Variants in GALR1 observed in about 807,000 individuals in gnomAD.
GALR1 encodes the protein galanin receptor type 1.
Under a neutral mutation model 17.9 loss-of-function variants are expected in GALR1, and 11 were observed. The observed-to-expected ratio is 0.62, with a 90% CI of 0.39 to 1.02. The LOEUF (loss-of-function observed/expected upper bound fraction) is 1.02. Ranked by LOEUF, GALR1 falls within the 50% of genes least tolerant of loss-of-function variation. GALR1 has a pLI of 0.01. For synonymous variants in GALR1, 206 were observed against 205.7 expected (o/e 1.00, Z -0.01); for missense variants, 441 against 456.9 (o/e 0.97, Z 0.32).
chr18:77,267,500 A>C (rs955481969), intron 2 of GALR1, among the ~76,000 whole-genome samples: 1 of 152,334 alleles, frequency 6.6e-6, no homozygotes, highest in Middle Eastern at 3.4e-3. Flanking sequence ...ATGTGGTCCC[A>C]TCATCGGTCC....
chr18:77,260,905 G>A (rs966449869), intron 2 of GALR1, among the ~76,000 whole-genome samples: 1 of 152,114 alleles, frequency 6.6e-6, no homozygotes, highest in African/African-American at 2.4e-5. Flanking sequence ...GTCCTATCAA[G>A]CCACTGGGTT....
At chr18:77,259,410 T>C (rs111164274) in intron 2 of GALR1, among the ~76,000 whole-genome samples, 19,170 of 60,212 alleles carry the variant, frequency 0.32, 1,610 homozygotes, top group Middle Eastern at 0.44. Context: ...TCATGGTGGT[T>C]ATGGTGGTGA....
intron 2 of GALR1, among the ~76,000 whole-genome samples, chr18:77,257,135 T>C (rs1912609154): frequency 6.6e-6 from 1 of 152,240 alleles, no homozygotes; most frequent in Non-Finnish European, 1.5e-5. Context: ...TCATGTTTAC[T>C]TAAAAATTCT....
rs976260404 is a variant in GALR1, at chr18:77,250,075, C to A, written c.-474C>A. Among the ~76,000 whole-genome samples the A allele has an allele frequency of 1.3e-5, 2 of 152,164 alleles. No homozygotes were observed. Among genetic ancestry groups the A allele is most frequent in the African/African-American group, 4.8e-5 (2 of 41,454 alleles). On this transcript the variant is annotated 5_prime_UTR_variant, in exon 1 of 3. The change creates a premature stop within an existing upstream ORF in the 5' untranslated region. Coordinates refer to ENST00000299727, the MANE Select transcript of GALR1 (RefSeq NM_001480.4). ...GTGCACTGCTGCGCGCTGGGCAGTG[C>A]GGGGAAGCGCCGCGGGAAGGAGCGG...
At chr18:77,251,360 C>A (rs1219727537) in intron 1 of GALR1, 146 bp downstream of exon 1, 1 of 1,291,026 alleles carries the variant, frequency 7.7e-7, no homozygotes, top group Non-Finnish European at 1.0e-6. Context: ...TGGTACGGAT[C>A]TGTGCAGAGA....
At chr18:77,252,944 CCACCATCACCACCATCA>C (rs1912483829) in intron 1 of GALR1, among the ~76,000 whole-genome samples, 8 of 58,682 alleles carry the variant, frequency 1.4e-4, no homozygotes, top group Non-Finnish European at 2.1e-4. Flanking sequence ...ACCACCACCA[CCACCATCACCACCATCA>C]CCACCACCAT....
In GALR1 at chr18:77,271,818, T is replaced by C. The variant is rs1232700940; in HGVS notation, c.*2916T>C. On this transcript the variant is annotated 3_prime_UTR_variant, in exon 3 of 3. Coordinates refer to ENST00000299727, the MANE Select transcript of GALR1 (RefSeq NM_001480.4). ...AGGAGACAGGCTTTGGGATATTTAG[T>C]AGCTGAAATGCTTGCTGTTTCACAT... The C allele has an allele frequency of 2.0e-5, 3 of 152,228 alleles. No individual in the cohort carries two copies. The East Asian group carries it at 5.8e-4, about 29-fold the overall frequency. 9.4% of individuals were successfully genotyped at this position (152,228 alleles called of 1,614,324 possible).
At chr18:77,265,462 G>A (rs1912924384) in intron 2 of GALR1, among the ~76,000 whole-genome samples, 1 of 152,198 alleles carries the variant, frequency 6.6e-6, no homozygotes, top group African/African-American at 2.4e-5. Flanking sequence ...CAGGTGCAGG[G>A]TGCAAGCTTT....
chr18:77,260,900 A>G (rs764053666), intron 2 of GALR1, among the ~76,000 whole-genome samples: 4 of 152,176 alleles, frequency 2.6e-5, no homozygotes, highest in Non-Finnish European at 5.9e-5. Context: ...TTGATGTCCT[A>G]TCAAGCCACT....
chr18:77,255,284 A>G (rs1341415971), intron 1 of GALR1, among the ~76,000 whole-genome samples: 1 of 152,216 alleles, frequency 6.6e-6, no homozygotes, highest in Admixed American at 6.5e-5. Flanking sequence ...TATATGTTGG[A>G]AATTCCTACA....
chr18:77,263,710 C>G (rs1397245862), intron 2 of GALR1, among the ~76,000 whole-genome samples: 1 of 152,180 alleles, frequency 6.6e-6, no homozygotes, highest in African/African-American at 2.4e-5. Context: ...TTCCAGTCTC[C>G]CTCTTTGATA....
rs1024009072 is a variant in GALR1, at chr18:77,250,010, CG to C, written c.-538del. ...CCCACTGGGGAGGTGGCGCTGGGCGCGCGGGATGCGCGGGGAGCCTTCTCTG... is the reference window on the plus strand; with the variant it reads ...CCCACTGGGGAGGTGGCGCTGGGCGCCGGGATGCGCGGGGAGCCTTCTCTG... On this transcript the variant is annotated 5_prime_UTR_variant, in exon 1 of 3. Transcript: ENST00000299727. Among the ~76,000 whole-genome samples, 32 of 152,090 alleles carry C rather than the reference CG, an allele frequency of 2.1e-4. No homozygotes were observed. The highest frequency in any genetic ancestry group is 5.8e-4 in the African/African-American group (24 of 41,410).
intron 2 of GALR1, among the ~76,000 whole-genome samples, chr18:77,262,437 C>A (rs551166951): frequency 6.6e-6 from 1 of 152,308 alleles, no homozygotes; most frequent in Admixed American, 6.5e-5. Flanking sequence ...CCCCGTGTCC[C>A]ATCTTCTACC....
chr18:77,256,069 A>G lies in GALR1; in HGVS notation c.667-89A>G, dbSNP rs570986686. On this transcript the variant is annotated intron_variant, in intron 1 of 2. Coordinates refer to ENST00000299727, the MANE Select transcript of GALR1 (RefSeq NM_001480.4). ...TGATCTTATAAATAGTGATGTTACC[A>G]TTTCAGCATGTCAATAATTGTTAAT... 9.2e-5 allele frequency: 67 copies of G among 731,074 alleles called. No individual in the cohort carries two copies. The African/African-American group carries it at 1.1e-3, about 12-fold the overall frequency. The allele number at this position is 731,074 out of a possible 1,614,324, so 45.3% of individuals were successfully genotyped here.
At chr18:77,254,273 C>T (rs917027541) in intron 1 of GALR1, among the ~76,000 whole-genome samples, 2 of 152,144 alleles carry the variant, frequency 1.3e-5, no homozygotes, top group Non-Finnish European at 2.9e-5. Flanking sequence ...GCTGCTGAGA[C>T]CTTCAGTGGG....
intron 2 of GALR1, among the ~76,000 whole-genome samples, chr18:77,262,531 T>C (rs749598003): frequency 3.3e-5 from 5 of 152,194 alleles, no homozygotes; most frequent in Admixed American, 6.5e-5. Context: ...CACATTGTCA[T>C]TGCTACGACT....
chr18:77,263,430 A>G (rs542940735), intron 2 of GALR1, among the ~76,000 whole-genome samples: 1 of 152,306 alleles, frequency 6.6e-6, no homozygotes, highest in East Asian at 1.9e-4. Flanking sequence ...GAATCATTTC[A>G]TTGGTTCATC....
Position 77,269,588 on chromosome 18 carries a change from T to A in GALR1, c.*686T>A, listed in dbSNP as rs1303935675. Reference sequence around the variant, plus strand: ...AGTAGTAGGCACTGTTGATTCAAATTTATCCTGTGAAACTGGCTTTATAGA... The same window carrying A: ...AGTAGTAGGCACTGTTGATTCAAATATATCCTGTGAAACTGGCTTTATAGA... On this transcript the variant is annotated 3_prime_UTR_variant, in exon 3 of 3. Coordinates refer to ENST00000299727, the MANE Select transcript of GALR1 (RefSeq NM_001480.4). The A allele has an allele frequency of 6.6e-6, 1 of 152,216 alleles. No individual in the cohort carries two copies. Among genetic ancestry groups the A allele is most frequent in the African/African-American group, 2.4e-5 (1 of 41,444 alleles). The allele number at this position is 152,216 out of a possible 1,614,324, so 9.4% of individuals were successfully genotyped here.
chr18:77,268,612 G>A lies in GALR1; in HGVS notation c.760G>A (p.Val254Met), dbSNP rs1912992994. The change falls in exon 3 of 3, where the codon GTG (valine) becomes ATG (methionine). Residue 254 changes from valine (V) to methionine (M), a missense_variant. Transcript: ENST00000299727. ...TGCACAGACAGTTCTGGTGGTGGTT[G>A]TGGTGTTTGGAATCTCCTGGCTGCC... Reference protein sequence around the residue: ...KTAQTVLVVVVVFGISWLPHH... With the variant: ...KTAQTVLVVVMVFGISWLPHH... 6.2e-7 allele frequency: 1 copy of A among 1,613,858 alleles called. No homozygotes were observed. Among genetic ancestry groups the A allele is most frequent in the Non-Finnish European group, 8.5e-7 (1 of 1,179,996 alleles).
Sources: allele counts gnomAD v4.1 joint callset (sites outside exome capture counted in the v4.1 genomes callset), GRCh38; gene constraint gnomAD v4.1.1; transcripts MANE v1.5; gene names NCBI Gene and HGNC (gene_info 2026-07-23, HGNC 2026-07-21).